The following FGF6 variants were observed in gnomAD, a reference collection of about 807,000 sequenced individuals.
The protein encoded by FGF6 is FGF-6.
A neutral mutation model predicts 18.4 loss-of-function variants in FGF6; 14 were observed. The observed-to-expected ratio is 0.76, with a 90% CI of 0.50 to 1.19. The LOEUF (loss-of-function observed/expected upper bound fraction) is 1.19, where lower values mean the gene tolerates loss of function less well. Among genes scored for constraint, FGF6 ranks in the 50% most tolerant of loss-of-function variants. The pLI is 0.00. For missense variants in FGF6, 266 were observed against 271.6 expected (o/e 0.98, Z 0.15); for synonymous variants, 125 against 116.7 (o/e 1.07, Z -0.46).
chr12:4,438,745 CT>C (rs1865652400), intron 2 of FGF6, among the ~76,000 whole-genome samples: 1 of 82,732 alleles, frequency 1.2e-5, no homozygotes. Flanking sequence ...GAGCGAGACT[CT>C]ATCTCAAAAA....
chr12:4,445,143 G>C lies in FGF6; in HGVS notation c.346+82C>G, dbSNP rs17183536. 8.4e-7 allele frequency: 1 copy of C among 1,190,440 alleles called. No homozygotes were observed. The highest frequency in any genetic ancestry group is 1.2e-6 in the Non-Finnish European group (1 of 844,564). The allele number at this position is 1,190,440 out of a possible 1,614,324, so 73.7% of individuals were successfully genotyped here. A position where few individuals can be genotyped will look rare whatever the true frequency, so the allele number is the denominator to read the frequency against. ...GCCCCCTTTATCGTGCATCCTGTCCGCTAGAGCAGGGCCCCTTCACCTTTT... is the reference window on the plus strand; with the variant it reads ...GCCCCCTTTATCGTGCATCCTGTCCCCTAGAGCAGGGCCCCTTCACCTTTT... On this transcript the variant is annotated intron_variant, in intron 1 of 2. Transcript: ENST00000228837. The surrounding 1 kb of genome is among the most constrained non-coding windows in gnomAD (Gnocchi z 5.5).
intron 2 of FGF6, among the ~76,000 whole-genome samples, chr12:4,441,306 C>T (rs1409173141): frequency 6.6e-6 from 1 of 152,128 alleles, no homozygotes; most frequent in African/African-American, 2.4e-5. Context: ...GGTAGGTTGG[C>T]CAGGAACTGG....
intron 2 of FGF6, among the ~76,000 whole-genome samples, chr12:4,436,649 C>G (rs1478882911): frequency 6.6e-6 from 1 of 152,036 alleles, no homozygotes; most frequent in East Asian, 1.9e-4. Context: ...AAGGACAGCA[C>G]AGAAACATAA....
intron 2 of FGF6, among the ~76,000 whole-genome samples, chr12:4,440,026 T>A (rs907163660): frequency 6.6e-6 from 1 of 152,226 alleles, no homozygotes; most frequent in South Asian, 2.1e-4. Context: ...AGCTTTGAGT[T>A]CTCATGGCTT....
At chr12:4,441,823 G>A (rs1014943460) in intron 2 of FGF6, among the ~76,000 whole-genome samples, 6 of 152,116 alleles carry the variant, frequency 3.9e-5, no homozygotes, top group Non-Finnish European at 7.4e-5. Context: ...TCCTGGCTCC[G>A]GGGATCAGTT....
At chr12:4,436,538 C>T (rs947500445) in intron 2 of FGF6, among the ~76,000 whole-genome samples, 3 of 151,852 alleles carry the variant, frequency 2.0e-5, no homozygotes, top group African/African-American at 7.3e-5. Flanking sequence ...GGTGGGAGAA[C>T]CGCTTGAGGT....
intron 2 of FGF6, among the ~76,000 whole-genome samples, chr12:4,439,752 C>T (rs1385985151): frequency 6.6e-6 from 1 of 151,680 alleles, no homozygotes; most frequent in African/African-American, 2.4e-5. Context: ...ATATCCCTGG[C>T]CTTCCCCAGA....
Position 4,445,704 on chromosome 12 carries a change from G to T in FGF6, c.-134C>A. ...TGAAGGCTGCTGACATGAAACCAAA[G>T]CCTCCATCGGGCACTCGGGTTGAGA... On this transcript the variant is annotated 5_prime_UTR_variant, in exon 1 of 3. Coordinates refer to ENST00000228837, the MANE Select transcript of FGF6 (RefSeq NM_020996.3). This position sits in a 1 kb window ranked among gnomAD's most constrained non-coding sequence, Gnocchi z 5.5. The T allele has an allele frequency of 1.4e-6, 1 of 730,922 alleles. No individual in the cohort carries two copies. Among genetic ancestry groups the T allele is most frequent in the Non-Finnish European group, 2.2e-6 (1 of 456,682 alleles). 45.3% of individuals were successfully genotyped at this position (730,922 alleles called of 1,614,324 possible).
chr12:4,445,458 G>A lies in FGF6; in HGVS notation c.113C>T (p.Ser38Leu), dbSNP rs200279711. Residue 38 changes from serine to leucine, a missense_variant, in exon 1 of 3, where the codon TCG (serine) becomes TTG (leucine). Physicochemically the swap from Ser to Leu is moderately radical, Grantham distance 145. Coordinates refer to ENST00000228837, the MANE Select transcript of FGF6 (RefSeq NM_020996.3). This position sits in a 1 kb window ranked among gnomAD's most constrained non-coding sequence, Gnocchi z 5.5. The part of the protein sequence containing the change: ...LGILVGMVVP[S>L]PAGTRANNTL... Reference sequence around the variant, plus strand: ...GTTGTTGGCACGGGTGCCTGCAGGCGAGGGCACCACCATGCCCACTAGGAT... The same window carrying A: ...GTTGTTGGCACGGGTGCCTGCAGGCAAGGGCACCACCATGCCCACTAGGAT... 8.1e-6 allele frequency: 13 copies of A among 1,613,204 alleles called. No homozygotes were observed. Among genetic ancestry groups the A allele is most frequent in the South Asian group, 1.1e-5 (1 of 91,080 alleles).
chr12:4,434,284 G>A lies in FGF6; in HGVS notation c.558C>T (p.Tyr186=), dbSNP rs768628490. 1.1e-5 allele frequency: 18 copies of A among 1,614,046 alleles called. No homozygotes were observed. Among genetic ancestry groups the A allele is most frequent in the South Asian group, 6.6e-5 (6 of 91,078 alleles). Residue 186 remains tyrosine, a synonymous_variant, in exon 3 of 3, where the codon TAC becomes TAT. Transcript: ENST00000228837. ...YQGTYIALSK[Y]GRVKRGSKVS... ...CCTTGCTGCCCCGCTTTACCCGTCC[G>A]TATTTGCTCAGGGCAATGTAGGTCC...
intron 2 of FGF6, among the ~76,000 whole-genome samples, chr12:4,434,706 A>G (rs995209594): frequency 1.3e-5 from 2 of 152,206 alleles, no homozygotes; most frequent in African/African-American, 2.4e-5. Context: ...CCTGACTTCC[A>G]GAGTAGTTTC....
intron 2 of FGF6, among the ~76,000 whole-genome samples, chr12:4,435,768 G>C (rs551331848): frequency 6.6e-6 from 1 of 151,992 alleles, no homozygotes; most frequent in African/African-American, 2.4e-5. Flanking sequence ...TCACATGAAC[G>C]CTGGACTTCC....
At chr12:4,435,261 C>T (rs895438688) in intron 2 of FGF6, among the ~76,000 whole-genome samples, 1 of 152,060 alleles carries the variant, frequency 6.6e-6, no homozygotes, top group Non-Finnish European at 1.5e-5. Flanking sequence ...TTTCCAGCCA[C>T]TCCCTATTGC....
chr12:4,444,597 T>C (rs1865734680), intron 1 of FGF6, among the ~76,000 whole-genome samples: 2 of 152,198 alleles, frequency 1.3e-5, no homozygotes, highest in Admixed American at 6.5e-5. Flanking sequence ...CTTCTTAATG[T>C]GTACTCTACA....
chr12:4,439,435 G>A (rs1346991637), intron 2 of FGF6, among the ~76,000 whole-genome samples: 2 of 152,126 alleles, frequency 1.3e-5, no homozygotes, highest in East Asian at 3.9e-4. Context: ...TGGAGGAAGG[G>A]GAAGTGGGAG....
intron 2 of FGF6, among the ~76,000 whole-genome samples, chr12:4,437,572 A>T (rs1218288414): frequency 6.6e-6 from 1 of 152,218 alleles, no homozygotes; most frequent in Non-Finnish European, 1.5e-5. Context: ...ACTGATTGAA[A>T]CATTCCAAGT....
At chr12:4,435,443 C>T (rs985251342) in intron 2 of FGF6, among the ~76,000 whole-genome samples, 4 of 152,122 alleles carry the variant, frequency 2.6e-5, no homozygotes, top group African/African-American at 7.2e-5. Flanking sequence ...ATCCCCAAAC[C>T]GTCCCCCCAT....
Position 4,434,194 on chromosome 12 carries a change from T to A in FGF6, c.*21A>T. 2 of 1,611,068 alleles carry A rather than the reference T, an allele frequency of 1.2e-6. No homozygotes were observed. Among genetic ancestry groups the A allele is most frequent in the Non-Finnish European group, 1.7e-6 (2 of 1,177,954 alleles). On this transcript the variant is annotated 3_prime_UTR_variant, in exon 3 of 3. Transcript: ENST00000228837. ...TCGAACAGATGATGCTTTAAATCTG[T>A]GAGCCTTCTTTTGTGGGTCCTTAGA...
chr12:4,444,255 C>T lies in FGF6; in HGVS notation c.347-19G>A, dbSNP rs760998740. 72 of 1,524,568 alleles carry T rather than the reference C, an allele frequency of 4.7e-5. No individual in the cohort carries two copies. Among genetic ancestry groups the T allele is most frequent in the Non-Finnish European group, 6.5e-5 (72 of 1,099,710 alleles). 94.4% of individuals were successfully genotyped at this position (1,524,568 alleles called of 1,614,324 possible). ...AGCAGGCCTGACAAGGAAAGGGGGG[C>T]CACATTACCTAAGGCTTGTGCAAAT... On this transcript the variant is annotated intron_variant, in intron 1 of 2. Coordinates refer to ENST00000228837, the MANE Select transcript of FGF6 (RefSeq NM_020996.3).
Sources: gnomAD v4.1 joint callset for allele counts (sites outside exome capture counted in the v4.1 genomes callset) on GRCh38, gnomAD v4.1.1 for gene constraint, Gnocchi (gnomAD v3.1) non-coding constraint, MANE v1.5 for transcripts, NCBI Gene and HGNC (gene_info 2026-07-23, HGNC 2026-07-21) for gene names.